TTC28: variants seen among roughly 807,000 people sequenced by gnomAD.
TTC28 encodes tetratricopeptide repeat domain 28, also known as tetratricopeptide repeat protein 28.
A neutral mutation model predicts 198.0 loss-of-function variants in TTC28; 61 were observed. The ratio of observed to expected loss-of-function variants is 0.31; its 90% CI spans 0.25 to 0.38. TTC28 has a LOEUF of 0.38. Ranked by LOEUF, TTC28 falls within the 10% of genes least tolerant of loss-of-function variation. The pLI is 1.00. For synonymous variants in TTC28, 1,171 were observed against 1,297.8 expected (o/e 0.90, Z 2.10); for missense variants, 2,678 against 3,164.0 (o/e 0.85, Z 3.69).
chr22:28,588,898 T>A (rs1370767214), intron 2 of TTC28, among the ~76,000 whole-genome samples: 1 of 152,204 alleles, frequency 6.6e-6, no homozygotes, highest in Admixed American at 6.5e-5. Flanking sequence ...TCTGCTACAT[T>A]ATCTCATCTA....
At chr22:28,277,420 A>C (rs1250126125) in intron 5 of TTC28, among the ~76,000 whole-genome samples, 2 of 152,244 alleles carry the variant, frequency 1.3e-5, no homozygotes, top group East Asian at 3.8e-4. Context: ...AATTTGGATC[A>C]TCTGTATCAG....
chr22:28,473,584 T>C (rs1479321336), intron 2 of TTC28, among the ~76,000 whole-genome samples: 2 of 152,180 alleles, frequency 1.3e-5, no homozygotes, highest in African/African-American at 4.8e-5. Flanking sequence ...GGTCTAAATA[T>C]GACTGCAGGA....
At chr22:28,074,701 G>T (rs1034202522) in intron 12 of TTC28, among the ~76,000 whole-genome samples, 2 of 152,098 alleles carry the variant, frequency 1.3e-5, no homozygotes, top group South Asian at 4.1e-4. Context: ...ACATCAATGT[G>T]GTCTGTTTTT....
chr22:28,369,951 T>C (rs757439276), intron 2 of TTC28, among the ~76,000 whole-genome samples: 1 of 152,170 alleles, frequency 6.6e-6, no homozygotes, highest in Non-Finnish European at 1.5e-5. Context: ...GTTCTGAATA[T>C]GCTCTTTGCA....
At chr22:28,068,501 C>T (rs1435478189) in intron 12 of TTC28, among the ~76,000 whole-genome samples, 5 of 152,188 alleles carry the variant, frequency 3.3e-5, no homozygotes, top group Admixed American at 3.3e-4. Flanking sequence ...ACAACTTAAT[C>T]TCTTTTTTCC....
intron 1 of TTC28, among the ~76,000 whole-genome samples, chr22:28,634,672 G>C (rs1359905583): frequency 6.7e-6 from 1 of 149,204 alleles, no homozygotes; most frequent in Non-Finnish European, 1.5e-5. Flanking sequence ...TGCAACCTTC[G>C]CCTCCAGGTT....
intron 5 of TTC28, among the ~76,000 whole-genome samples, chr22:28,218,132 T>C (rs539225531): frequency 1.3e-5 from 2 of 152,228 alleles, no homozygotes; most frequent in African/African-American, 2.4e-5. Context: ...TTAGCTGCAA[T>C]GTGGAATTTA....
At chr22:28,505,806 C>T (rs527739619) in intron 2 of TTC28, among the ~76,000 whole-genome samples, 69 of 152,330 alleles carry the variant, frequency 4.5e-4, no homozygotes, top group African/African-American at 1.6e-3. Context: ...TTCCACGGCA[C>T]GTCACTGGAA....
intron 2 of TTC28, among the ~76,000 whole-genome samples, chr22:28,569,579 T>G (rs1601578195): frequency 6.6e-6 from 1 of 151,954 alleles, no homozygotes; most frequent in Non-Finnish European, 1.5e-5. Flanking sequence ...AAGACTTAAA[T>G]GTAAAACCTA....
At chr22:28,042,478 G>T (rs1939685519) in intron 12 of TTC28, among the ~76,000 whole-genome samples, 1 of 151,992 alleles carries the variant, frequency 6.6e-6, no homozygotes, top group Non-Finnish European at 1.5e-5. Context: ...ACTATCGCAA[G>T]GACAAAAAAA....
chr22:28,131,881 C>T (rs1229209090), intron 6 of TTC28, among the ~76,000 whole-genome samples: 1 of 152,140 alleles, frequency 6.6e-6, no homozygotes, highest in Non-Finnish European at 1.5e-5. Flanking sequence ...CCTGAATATT[C>T]AATTGTTTTA....
intron 12 of TTC28, among the ~76,000 whole-genome samples, chr22:28,083,673 C>T (rs1357785051): frequency 3.3e-5 from 5 of 152,180 alleles, no homozygotes; most frequent in African/African-American, 9.6e-5. Flanking sequence ...TGCAGGACAG[C>T]GGGTGCAGCG....
chr22:28,571,226 G>A (rs1009833229), intron 2 of TTC28, among the ~76,000 whole-genome samples: 7 of 151,954 alleles, frequency 4.6e-5, no homozygotes, highest in Non-Finnish European at 7.4e-5. Flanking sequence ...GTAAATCTTC[G>A]GCACCACTTC....
At chr22:28,649,873 A>G (rs1227692306) in intron 1 of TTC28, among the ~76,000 whole-genome samples, 1 of 152,220 alleles carries the variant, frequency 6.6e-6, no homozygotes, top group Non-Finnish European at 1.5e-5. Context: ...TAAATTTTAA[A>G]AGCATTGTTT....
At chr22:28,207,593 A>G (rs1195929569) in intron 5 of TTC28, among the ~76,000 whole-genome samples, 1 of 152,224 alleles carries the variant, frequency 6.6e-6, no homozygotes, top group Admixed American at 6.5e-5. Context: ...AGTACCCAGA[A>G]CATAGTAAGC....
intron 2 of TTC28, among the ~76,000 whole-genome samples, chr22:28,546,809 C>T (rs1013119612): frequency 1.3e-5 from 2 of 152,094 alleles, no homozygotes; most frequent in African/African-American, 4.8e-5. Context: ...GAGTAAATTA[C>T]TTATATAAGA....
At chr22:28,282,935 A>G (rs1212638293) in intron 5 of TTC28, among the ~76,000 whole-genome samples, 2 of 152,124 alleles carry the variant, frequency 1.3e-5, no homozygotes, top group Non-Finnish European at 2.9e-5. Context: ...TGGGTGTACA[A>G]TTTCTTTTGA....
At chr22:28,382,839 T>C (rs1231490760) in intron 2 of TTC28, among the ~76,000 whole-genome samples, 1 of 152,194 alleles carries the variant, frequency 6.6e-6, no homozygotes, top group Non-Finnish European at 1.5e-5. Context: ...TATGTATGTA[T>C]GCACCTAATA....
At chr22:28,495,582 C>T (rs1232729113) in intron 2 of TTC28, among the ~76,000 whole-genome samples, 2 of 151,926 alleles carry the variant, frequency 1.3e-5, no homozygotes, top group Non-Finnish European at 2.9e-5. Flanking sequence ...GAATATGTAA[C>T]TCAAAAACAA....
Sources: gnomAD v4.1 joint callset for allele counts (sites outside exome capture counted in the v4.1 genomes callset) on GRCh38, gnomAD v4.1.1 for gene constraint, MANE v1.5 for transcripts, NCBI Gene and HGNC (gene_info 2026-07-23, HGNC 2026-07-21) for gene names.